Variants in GALNTL6 observed in about 807,000 individuals in gnomAD.
GALNTL6 encodes polypeptide N-acetylgalactosaminyltransferase like 6.
GALNTL6 carries 46 observed loss-of-function variants against 73.7 expected under a neutral mutation model. The observed-to-expected ratio is 0.62, with a 90% CI of 0.49 to 0.80. The LOEUF (loss-of-function observed/expected upper bound fraction) is 0.80, where lower values mean the gene tolerates loss of function less well. Ranked by LOEUF, GALNTL6 falls within the 30% of genes least tolerant of loss-of-function variation. The pLI is 0.00. For missense variants in GALNTL6, 604 were observed against 755.0 expected, an observed-to-expected ratio of 0.80 and a Z score of 2.34; for synonymous variants, 259 against 263.7, an observed-to-expected ratio of 0.98 and a Z score of 0.17.
At chr4:172,193,795 G>A (rs569374585) in intron 2 of GALNTL6, among the ~76,000 whole-genome samples, 31 of 152,194 alleles carry the variant, frequency 2.0e-4, no homozygotes, top group Middle Eastern at 3.4e-3. Flanking sequence ...CCCGGGAGGC[G>A]GAACTTGCAG....
chr4:172,831,993 T>C (rs893036893), intron 7 of GALNTL6, among the ~76,000 whole-genome samples: 1 of 152,198 alleles, frequency 6.6e-6, no homozygotes, highest in Non-Finnish European at 1.5e-5. Context: ...ACCAGCTCTA[T>C]GGTACTTTGC....
At chr4:172,291,498 A>C (rs1739469694) in intron 3 of GALNTL6, among the ~76,000 whole-genome samples, 1 of 152,180 alleles carries the variant, frequency 6.6e-6, no homozygotes, top group Non-Finnish European at 1.5e-5. Context: ...CTAAAAAATC[A>C]TATCTGAATG....
intron 2 of GALNTL6, among the ~76,000 whole-genome samples, chr4:171,879,453 C>T (rs1736374819): frequency 6.6e-6 from 1 of 151,936 alleles, no homozygotes; most frequent in South Asian, 2.1e-4. Flanking sequence ...TAGAAGACGG[C>T]ATTAAAAAGT....
intron 2 of GALNTL6, among the ~76,000 whole-genome samples, chr4:172,118,478 T>A (rs991597879): frequency 6.6e-6 from 1 of 152,000 alleles, no homozygotes; most frequent in African/African-American, 2.4e-5. Context: ...GGCGGGTGGA[T>A]TACTTGAGGT....
intron 10 of GALNTL6, among the ~76,000 whole-genome samples, chr4:172,989,333 C>T (rs1047378018): frequency 3.9e-5 from 6 of 152,144 alleles, no homozygotes; most frequent in African/African-American, 9.7e-5. Flanking sequence ...AGGGACTTTC[C>T]TCATCTCAAA....
chr4:173,037,989 C>G (rs749418225), intron 12 of GALNTL6, among the ~76,000 whole-genome samples: 1 of 152,176 alleles, frequency 6.6e-6, no homozygotes, highest in Non-Finnish European at 1.5e-5. Context: ...GTGATCTGCC[C>G]GCCATGGCCT....
chr4:172,430,255 A>G (rs1393680673), intron 5 of GALNTL6, among the ~76,000 whole-genome samples: 2 of 152,106 alleles, frequency 1.3e-5, no homozygotes, highest in Admixed American at 6.6e-5. Flanking sequence ...TAAAGACTAC[A>G]TATGGCATGA....
chr4:172,602,575 A>G lies in GALNTL6; in HGVS notation c.554-206786A>G, dbSNP rs568947638. On this transcript the variant is annotated intron_variant, in intron 5 of 12. Coordinates refer to ENST00000506823, the MANE Select transcript of GALNTL6 (RefSeq NM_001034845.3). ...TAAGTCAACAGAGGAGATAAAATGGAATATGAAAATGCTCAGTTAATCCAA... is the reference window on the plus strand; with the variant it reads ...TAAGTCAACAGAGGAGATAAAATGGGATATGAAAATGCTCAGTTAATCCAA... Among the ~76,000 whole-genome samples the G allele has an allele frequency of 2.0e-5, 3 of 152,294 alleles. No individual in the cohort carries two copies. The South Asian group carries it at 6.2e-4, about 32-fold the overall frequency.
At chr4:172,251,305 G>A (rs1011125189) in intron 3 of GALNTL6, among the ~76,000 whole-genome samples, 3 of 152,100 alleles carry the variant, frequency 2.0e-5, no homozygotes, top group South Asian at 2.1e-4. Context: ...CAGGTGGGGA[G>A]TAATTTGCTT....
intron 5 of GALNTL6, among the ~76,000 whole-genome samples, chr4:172,601,851 A>C: frequency 6.7e-6 from 1 of 149,480 alleles, no homozygotes; most frequent in Non-Finnish European, 1.5e-5. Context: ...AAATTTAATG[A>C]AAACCTGTTA....
chr4:171,959,784 A>T (rs1739167273), intron 2 of GALNTL6, among the ~76,000 whole-genome samples: 1 of 152,230 alleles, frequency 6.6e-6, no homozygotes. Flanking sequence ...GTTCTACGTG[A>T]TGATACCAGC....
chr4:172,359,938 AGGAG>A (rs1561044848), intron 5 of GALNTL6, among the ~76,000 whole-genome samples: 21 of 152,318 alleles, frequency 1.4e-4, no homozygotes, highest in Non-Finnish European at 2.9e-4. Context: ...GTAAGCTGAC[AGGAG>A]TCCCTGAACA....
chr4:172,147,629 A>C (rs1249634399), intron 2 of GALNTL6, among the ~76,000 whole-genome samples: 2 of 152,222 alleles, frequency 1.3e-5, no homozygotes, highest in Non-Finnish European at 2.9e-5. Context: ...GTTATACTAC[A>C]CAAACCCTAA....
At chr4:172,086,296 T>A (rs1272097819) in intron 2 of GALNTL6, among the ~76,000 whole-genome samples, 1 of 152,124 alleles carries the variant, frequency 6.6e-6, no homozygotes, top group Non-Finnish European at 1.5e-5. Flanking sequence ...ATATTTAGCA[T>A]GTTAAGGGAA....
At chr4:172,785,079 C>T (rs931602763) in intron 5 of GALNTL6, among the ~76,000 whole-genome samples, 2 of 152,098 alleles carry the variant, frequency 1.3e-5, no homozygotes, top group Admixed American at 6.6e-5. Context: ...TGATAGAGAA[C>T]AGAAAGTGGT....
chr4:173,009,266 G>A lies in GALNTL6; in HGVS notation c.1460G>A (p.Gly487Asp). The A allele has an allele frequency of 1.9e-6, 3 of 1,613,632 alleles. No homozygotes were observed. The South Asian group carries it at 3.3e-5, about 18-fold the overall frequency. ...ELRLDICVKD[G>D]SERTWSHEQL... ...AGGCTGGACATCTGTGTCAAGGATG[G>A]TTCTGAAAGAACATGGTCTCATGAA... Residue 487 changes from glycine (G) to aspartate (D), a missense_variant, in exon 11 of 13, where the codon GGT becomes GAT. Physicochemically the swap from Gly to Asp is moderately conservative, Grantham distance 94 (BLOSUM62 -1). Transcript: ENST00000506823.
At chr4:172,831,967 C>A (rs988335702) in intron 7 of GALNTL6, among the ~76,000 whole-genome samples, 2 of 152,220 alleles carry the variant, frequency 1.3e-5, no homozygotes, top group Non-Finnish European at 2.9e-5. Flanking sequence ...AAATTAATGT[C>A]TGTTGTGTGT....
chr4:172,261,360 C>A lies in GALNTL6; in HGVS notation c.247+31596C>A, dbSNP rs144186068. Among the ~76,000 whole-genome samples, 10 of 151,604 alleles carry A rather than the reference C, an allele frequency of 6.6e-5. No homozygotes were observed. In the East Asian group the frequency reaches 1.9e-3, roughly 29 times the overall value. ...GGGTTGTATATTTCCAGGAATTTAT[C>A]CATCTCCTCTAGATTTTCTAGTTTG... On this transcript the variant is annotated intron_variant, in intron 3 of 12. Transcript: ENST00000506823.
intron 12 of GALNTL6, among the ~76,000 whole-genome samples, chr4:173,025,899 C>T (rs1023478592): frequency 1.2e-4 from 19 of 152,188 alleles, no homozygotes; most frequent in African/African-American, 4.6e-4. Context: ...TGGAAAACTT[C>T]TAGCACAGTT....
Sources: gnomAD v4.1 joint callset for allele counts (sites outside exome capture counted in the v4.1 genomes callset) on GRCh38, gnomAD v4.1.1 for gene constraint, MANE v1.5 for transcripts, NCBI Gene and HGNC (gene_info 2026-07-23, HGNC 2026-07-21) for gene names.